MTUS2: variants seen among roughly 807,000 people sequenced by gnomAD.
MTUS2 encodes the protein microtubule associated scaffold protein 2, also known as microtubule-associated tumor suppressor candidate 2.
MTUS2 carries 40 observed loss-of-function variants against 114.1 expected under a neutral mutation model. The observed-to-expected ratio is 0.35, with a 90% confidence interval of 0.27 to 0.46. The LOEUF is 0.46. Ranked by LOEUF, MTUS2 falls within the 20% of genes least tolerant of loss-of-function variation. The pLI, the probability that MTUS2 is intolerant of heterozygous loss-of-function variation, is 1.00. For synonymous variants in MTUS2, 688 were observed against 672.0 expected, an observed-to-expected ratio of 1.02 and a Z score of -0.37; for missense variants, 1,679 against 1,705.4, an observed-to-expected ratio of 0.98 and a Z score of 0.27.
intron 4 of MTUS2, among the ~76,000 whole-genome samples, chr13:29,066,024 C>T (rs920978762): frequency 6.6e-6 from 1 of 152,078 alleles, no homozygotes; most frequent in African/African-American, 2.4e-5. Flanking sequence ...CCACAGTGGC[C>T]TCGATTCAGT....
chr13:29,499,709 A>C (rs1364645674), intron 14 of MTUS2, among the ~76,000 whole-genome samples: 1 of 152,192 alleles, frequency 6.6e-6, no homozygotes, highest in African/African-American at 2.4e-5. Context: ...ATCTCATCGA[A>C]ATTCCCCATT....
chr13:29,281,616 G>T lies in MTUS2; in HGVS notation c.2645-88G>T, dbSNP rs940539525. 4 of 1,374,084 alleles carry T rather than the reference G, an allele frequency of 2.9e-6. No individual in the cohort carries two copies. The African/African-American group carries it at 4.3e-5, about 15-fold the overall frequency. 85.1% of individuals were successfully genotyped at this position (1,374,084 alleles called of 1,614,324 possible). A position where few individuals can be genotyped will look rare whatever the true frequency, so the allele number is the denominator to read the frequency against. ...AGGTCAAGTTCTAAAGCAGATGACGGCAGTAGGATTGGTTGGCAAGTGCAA... is the reference window on the plus strand; with the variant it reads ...AGGTCAAGTTCTAAAGCAGATGACGTCAGTAGGATTGGTTGGCAAGTGCAA... On this transcript the variant is annotated intron_variant, in intron 5 of 15. Coordinates refer to ENST00000612955, the MANE Select transcript of MTUS2 (RefSeq NM_001033602.4).
At chr13:29,254,893 C>G (rs1760363254) in intron 5 of MTUS2, among the ~76,000 whole-genome samples, 1 of 152,194 alleles carries the variant, frequency 6.6e-6, no homozygotes, top group African/African-American at 2.4e-5. Flanking sequence ...CAGATATGGA[C>G]TTCTTGCTTT....
chr13:29,320,828 G>A (rs1277352737), intron 6 of MTUS2, among the ~76,000 whole-genome samples: 1 of 152,212 alleles, frequency 6.6e-6, no homozygotes, highest in East Asian at 1.9e-4. Context: ...GGACTGAGCT[G>A]AGGTACAAAG....
At chr13:29,478,350 G>A (rs1324180834) in intron 9 of MTUS2, among the ~76,000 whole-genome samples, 1 of 152,186 alleles carries the variant, frequency 6.6e-6, no homozygotes, top group East Asian at 1.9e-4. Context: ...TATTTGTAGG[G>A]AATGTACATG....
chr13:29,284,791 A>G (rs1898409617), intron 6 of MTUS2, among the ~76,000 whole-genome samples: 1 of 152,206 alleles, frequency 6.6e-6, no homozygotes, highest in African/African-American at 2.4e-5. Context: ...GGATAAAGTC[A>G]GAACTCATCT....
chr13:29,256,560 T>C (rs559826245), intron 5 of MTUS2, among the ~76,000 whole-genome samples: 13 of 152,340 alleles, frequency 8.5e-5, no homozygotes, highest in Non-Finnish European at 1.9e-4. Context: ...CTCTTCAGGG[T>C]CTGCACATAT....
At chr13:29,300,225 G>A (rs1294228120) in intron 6 of MTUS2, among the ~76,000 whole-genome samples, 2 of 152,164 alleles carry the variant, frequency 1.3e-5, no homozygotes. Flanking sequence ...TAACACTCTT[G>A]TGACCCACCT....
chr13:29,311,412 G>T (rs1441781466), intron 6 of MTUS2, among the ~76,000 whole-genome samples: 1 of 152,066 alleles, frequency 6.6e-6, no homozygotes, highest in Non-Finnish European at 1.5e-5. Context: ...TTTTATAATA[G>T]ATATGTTTAA....
chr13:29,333,245 G>A (rs939904896), intron 7 of MTUS2, among the ~76,000 whole-genome samples: 18 of 151,882 alleles, frequency 1.2e-4, no homozygotes, highest in African/African-American at 2.2e-4. Context: ...TTGCCCAGGC[G>A]GGATTGCAAT....
chr13:29,464,791 C>T (rs1228674332), intron 9 of MTUS2, among the ~76,000 whole-genome samples: 1 of 152,236 alleles, frequency 6.6e-6, no homozygotes, highest in Non-Finnish European at 1.5e-5. Context: ...AGTGTGGCCT[C>T]TGGACCAGCA....
chr13:28,988,812 A>T (rs1227194192), intron 2 of MTUS2, among the ~76,000 whole-genome samples: 1 of 152,190 alleles, frequency 6.6e-6, no homozygotes, highest in Admixed American at 6.5e-5. Context: ...GTATACTAAA[A>T]ACTAGAGAAG....
intron 2 of MTUS2, among the ~76,000 whole-genome samples, chr13:28,916,061 T>C (rs545822872): frequency 1.3e-5 from 2 of 152,080 alleles, no homozygotes; most frequent in Admixed American, 6.5e-5. Context: ...AAAACTTTTT[T>C]CCCCCATTGT....
rs1165234766 is a variant in MTUS2, at chr13:28,862,719, T to C, written c.-243+22869T>C. On this transcript the variant is annotated intron_variant, in intron 2 of 15. Coordinates refer to ENST00000612955, the MANE Select transcript of MTUS2 (RefSeq NM_001033602.4). ...TCTTATGTGCTCAGAGATTGGGGTA[T>C]ATTCCCTTGGTGAATTCTCCAGTCA... Among the ~76,000 whole-genome samples the C allele has an allele frequency of 2.0e-5, 3 of 152,230 alleles. 1 individual carries two copies. The highest frequency in any genetic ancestry group is 4.4e-5 in the Non-Finnish European group (3 of 68,040).
intron 2 of MTUS2, among the ~76,000 whole-genome samples, chr13:28,899,198 A>G: frequency 6.6e-6 from 1 of 152,256 alleles, no homozygotes; most frequent in Non-Finnish European, 1.5e-5. Flanking sequence ...AAACAATAGT[A>G]AAATATCACA....
At chr13:29,281,387 CTGTG>C (rs755842647) in intron 5 of MTUS2, among the ~76,000 whole-genome samples, 3 of 149,932 alleles carry the variant, frequency 2.0e-5, no homozygotes, top group Middle Eastern at 6.4e-3. Context: ...CATAAGCGAA[CTGTG>C]TGTGTGTGTG....
chr13:29,155,231 A>G (rs188181989), intron 5 of MTUS2, among the ~76,000 whole-genome samples: 1 of 152,372 alleles, frequency 6.6e-6, no homozygotes, highest in Non-Finnish European at 1.5e-5. Context: ...CTCAGCCTTG[A>G]AGAGATGCGT....
In MTUS2 at chr13:29,158,310, G is replaced by A. The variant is rs770666220; in HGVS notation, c.2644+57340G>A. Among the ~76,000 whole-genome samples the A allele has an allele frequency of 1.2e-3, 176 of 148,228 alleles. 1 individual carries two copies. The highest frequency in any genetic ancestry group is 2.2e-3 in the Admixed American group (32 of 14,726). On this transcript the variant is annotated intron_variant, in intron 5 of 15. Transcript: ENST00000612955. ...TATTTACACCTCGCCACAATTCCAC[G>A]AGATAGGTCATTCCCCGCCCCCCAC...
chr13:29,483,536 C>T (rs1398271161), intron 10 of MTUS2, among the ~76,000 whole-genome samples: 2 of 152,152 alleles, frequency 1.3e-5, no homozygotes, highest in African/African-American at 2.4e-5. Flanking sequence ...GGCCTGGCAG[C>T]GGGTTGTTTT....
Sources: gnomAD v4.1 joint callset for allele counts (sites outside exome capture counted in the v4.1 genomes callset) on GRCh38, gnomAD v4.1.1 for gene constraint, MANE v1.5 for transcripts, NCBI Gene and HGNC (gene_info 2026-07-23, HGNC 2026-07-21) for gene names.